The following SHLD2 variants were observed in gnomAD, a reference collection of about 807,000 sequenced individuals.
SHLD2 encodes the protein RINN1-REV7-interacting novel NHEJ regulator 2.
Under a neutral mutation model 73.2 loss-of-function variants are expected in SHLD2, and 30 were observed. That is an observed-to-expected ratio of 0.41 (90% CI 0.31 to 0.56). The LOEUF is 0.56. Ranked by LOEUF, SHLD2 falls within the 20% of genes least tolerant of loss-of-function variation. The pLI is 0.28. For missense variants in SHLD2, 745 were observed against 1,055.9 expected (o/e 0.71, Z 4.08); for synonymous variants, 285 against 370.1 (o/e 0.77, Z 2.64).
intron 2 of SHLD2, among the ~76,000 whole-genome samples, chr10:87,120,250 A>ATTT (rs1169348965): frequency 9.4e-5 from 14 of 148,462 alleles, no homozygotes; most frequent in African/African-American, 2.1e-4. Flanking sequence ...TTATTTATTT[A>ATTT]TTTATTTATT....
chr10:87,102,198 A>G (rs189576682), intron 2 of SHLD2, among the ~76,000 whole-genome samples: 1 of 152,348 alleles, frequency 6.6e-6, no homozygotes, highest in East Asian at 1.9e-4. Flanking sequence ...ATGCTGTAAT[A>G]GATAACCTAT....
At chr10:87,106,599 T>C (rs537272419) in intron 2 of SHLD2, among the ~76,000 whole-genome samples, 43 of 152,208 alleles carry the variant, frequency 2.8e-4, no homozygotes, top group Non-Finnish European at 5.3e-4. Context: ...TTTAAGGAAG[T>C]AGTTTTCATG....
intron 2 of SHLD2, among the ~76,000 whole-genome samples, chr10:87,118,502 A>G (rs571004660): frequency 2.0e-5 from 3 of 146,656 alleles, no homozygotes; most frequent in African/African-American, 5.1e-5. Flanking sequence ...CCCTTTCACA[A>G]TGACCTTCCC....
chr10:87,170,438 T>C, intron 4 of SHLD2, 40 bp from the exon 5 acceptor site: 2 of 1,308,096 alleles, frequency 1.5e-6, no homozygotes, highest in Non-Finnish European at 2.1e-6. Context: ...AAATATAATG[T>C]TGCCATCTTT....
At chr10:87,127,449 C>T (rs1180555961) in intron 2 of SHLD2, among the ~76,000 whole-genome samples, 4 of 144,622 alleles carry the variant, frequency 2.8e-5, no homozygotes, top group African/African-American at 7.8e-5. Flanking sequence ...TTAGAAATAA[C>T]TTTCACTAAT....
chr10:87,170,691 T>A lies in SHLD2; in HGVS notation c.1828+19T>A. 3 of 1,594,414 alleles carry A rather than the reference T, an allele frequency of 1.9e-6. No homozygotes were observed. The highest frequency in any genetic ancestry group is 2.6e-6 in the Non-Finnish European group (3 of 1,171,510). ...CTGACAGGTAAATATTTTGACTGCC[T>A]CCTTAATTTTAGATTATGAAAAAAT... On this transcript the variant is annotated intron_variant, in intron 5 of 9. Coordinates refer to ENST00000298786, the MANE Select transcript of SHLD2 (RefSeq NM_001330112.2).
At position 87,152,614 on chromosome 10, in the gene SHLD2, G is replaced by A; in HGVS notation, c.1260G>A (p.Val420=). The A allele has an allele frequency of 1.9e-6, 3 of 1,608,092 alleles. No homozygotes were observed. The highest frequency in any genetic ancestry group is 2.5e-6 in the Non-Finnish European group (3 of 1,178,958). ...DSAVEMDRRN[V]SEFKSIKKTS... ...CTGTAGAAATGGATCGGAGAAATGTGTCTGAATTTAAGAGTATTAAAAAAA... is the reference window on the plus strand; with the variant it reads ...CTGTAGAAATGGATCGGAGAAATGTATCTGAATTTAAGAGTATTAAAAAAA... Residue 420 remains valine (V), a synonymous_variant, in exon 3 of 10, where the codon GTG becomes GTA. Transcript: ENST00000298786.
chr10:87,121,762 C>CTTTTTTTT (rs571649405), intron 2 of SHLD2, among the ~76,000 whole-genome samples: 2 of 130,990 alleles, frequency 1.5e-5, no homozygotes, highest in Non-Finnish European at 3.2e-5. Context: ...TTCTTTCTTT[C>CTTTTTTTT]TTTTTTTTTT....
chr10:87,172,160 C>T (rs1282608754), intron 6 of SHLD2, among the ~76,000 whole-genome samples: 2 of 152,146 alleles, frequency 1.3e-5, no homozygotes, highest in Non-Finnish European at 2.9e-5. Flanking sequence ...ATTCATCCAG[C>T]CCCCCTTATT....
intron 2 of SHLD2, among the ~76,000 whole-genome samples, chr10:87,107,094 C>CAAAAAAAAAAAAAAAAAAAAAAAA: frequency 9.0e-6 from 1 of 110,522 alleles, no homozygotes. Context: ...CAATAATTGG[C>CAAAAAAAAAAAAAAAAAAAAAAAA]AAAAAAAAAA....
chr10:87,137,151 G>A (rs1012028111), intron 2 of SHLD2, among the ~76,000 whole-genome samples: 5 of 152,162 alleles, frequency 3.3e-5, no homozygotes, highest in African/African-American at 1.2e-4. Flanking sequence ...GTCAGTAGAA[G>A]AAGACCCAGA....
rs949637358 is a variant in SHLD2, at chr10:87,095,226, C to T, written c.-84C>T. 1 of 148,276 alleles carries T rather than the reference C, an allele frequency of 6.7e-6. No individual in the cohort carries two copies. Among genetic ancestry groups the T allele is most frequent in the Non-Finnish European group, 1.5e-5 (1 of 66,332 alleles). 9.2% of individuals were successfully genotyped at this position (148,276 alleles called of 1,614,324 possible). On this transcript the variant is annotated 5_prime_UTR_variant, in exon 1 of 10. Transcript: ENST00000298786. ...CGGCCGGATTTGCCCGGAGGCCGCA[C>T]CCGCCTCCGGCGGGGCTCTCAGGTA...
At chr10:87,159,136 G>C (rs917563293) in intron 4 of SHLD2, among the ~76,000 whole-genome samples, 6 of 152,178 alleles carry the variant, frequency 3.9e-5, no homozygotes, top group African/African-American at 1.4e-4. Flanking sequence ...GGAATAATAG[G>C]AAAGTTATAG....
intron 8 of SHLD2, among the ~76,000 whole-genome samples, chr10:87,182,295 G>A (rs1473151888): frequency 1.3e-5 from 2 of 152,166 alleles, no homozygotes; most frequent in Non-Finnish European, 2.9e-5. Flanking sequence ...TATGTACTGT[G>A]GATGTTATAC....
intron 2 of SHLD2, among the ~76,000 whole-genome samples, chr10:87,136,329 G>C (rs184104662): frequency 1.3e-5 from 2 of 151,622 alleles, no homozygotes; most frequent in Non-Finnish European, 2.9e-5. Flanking sequence ...AGAGACTAAA[G>C]CATGTAGTAT....
intron 4 of SHLD2, among the ~76,000 whole-genome samples, chr10:87,165,030 T>C (rs1847101469): frequency 6.6e-6 from 1 of 151,586 alleles, no homozygotes; most frequent in South Asian, 2.1e-4. Context: ...CTACAAAAAA[T>C]AGAAAAATTA....
intron 2 of SHLD2, among the ~76,000 whole-genome samples, chr10:87,108,881 A>G (rs908747505): frequency 1.3e-5 from 2 of 152,004 alleles, no homozygotes; most frequent in Middle Eastern, 3.2e-3. Flanking sequence ...AGGGAGAGTC[A>G]TCTTATCTTT....
intron 2 of SHLD2, among the ~76,000 whole-genome samples, chr10:87,107,899 T>A (rs1842699415): frequency 6.6e-6 from 1 of 152,084 alleles, no homozygotes; most frequent in Admixed American, 6.6e-5. Flanking sequence ...TTGTTTTTTG[T>A]TTTTTGAGGC....
chr10:87,156,146 A>G (rs1420914164), intron 3 of SHLD2, among the ~76,000 whole-genome samples: 1 of 149,746 alleles, frequency 6.7e-6, no homozygotes, highest in Non-Finnish European at 1.5e-5. Flanking sequence ...GGCTCACTGC[A>G]ACCTCTGCCT....
Sources: gnomAD v4.1 joint callset for allele counts (sites outside exome capture counted in the v4.1 genomes callset) on GRCh38, gnomAD v4.1.1 for gene constraint, MANE v1.5 for transcripts, NCBI Gene and HGNC (gene_info 2026-07-23, HGNC 2026-07-21) for gene names.